RYR2: variants seen among roughly 807,000 people sequenced by gnomAD.
The protein encoded by RYR2 is cardiac muscle ryanodine receptor-calcium release channel.
A neutral mutation model predicts 601.1 loss-of-function variants in RYR2; 227 were observed. That is an observed-to-expected ratio of 0.38 (90% CI 0.34 to 0.42). The LOEUF (loss-of-function observed/expected upper bound fraction) is 0.42, where lower values mean the gene tolerates loss of function less well. Among genes scored for constraint, RYR2 ranks in the 10% least tolerant of loss-of-function variants. The pLI is 1.00. For synonymous variants in RYR2, 2,223 were observed against 2,175.1 expected (o/e 1.02, Z -0.61); for missense variants, 4,646 against 6,156.5 (o/e 0.75, Z 8.21).
chr1:237,660,965 T>C lies in RYR2; in HGVS notation c.8436+18T>C. 7.3e-7 allele frequency: 1 copy of C among 1,364,848 alleles called. No individual in the cohort carries two copies. Among genetic ancestry groups the C allele is most frequent in the South Asian group, 2.1e-5 (1 of 47,702 alleles). The allele number at this position is 1,364,848 out of a possible 1,614,324, so 84.5% of individuals were successfully genotyped here. On this transcript the variant is annotated intron_variant, in intron 56 of 104. Coordinates refer to ENST00000366574, the MANE Select transcript of RYR2 (RefSeq NM_001035.3). The stretch of plus-strand genomic sequence containing the variant: ...CAAGCCAGGTAAGAATTCATCACGG[T>C]GATGAATCAACTGTTTATGTTATGG...
chr1:237,081,743 T>C (rs1572564864), intron 1 of RYR2, among the ~76,000 whole-genome samples: 2 of 152,162 alleles, frequency 1.3e-5, no homozygotes, highest in East Asian at 3.9e-4. Context: ...GAGACTTACC[T>C]CATTTATATG....
intron 2 of RYR2, among the ~76,000 whole-genome samples, chr1:237,288,167 C>T (rs1691768071): frequency 6.6e-6 from 1 of 152,204 alleles, no homozygotes; most frequent in South Asian, 2.1e-4. Flanking sequence ...TGTGAACCTT[C>T]TATGAGTCTC....
At chr1:237,647,061 A>G (rs910247975) in intron 48 of RYR2, among the ~76,000 whole-genome samples, 1 of 152,206 alleles carries the variant, frequency 6.6e-6, no homozygotes, top group Non-Finnish European at 1.5e-5. Flanking sequence ...GTTTAAGATA[A>G]TAGAACACTG....
Position 237,755,697 on chromosome 1 carries a change from G to A in RYR2, c.11146-591G>A, listed in dbSNP as rs565587547. Among the ~76,000 whole-genome samples, 8 of 152,276 alleles carry A rather than the reference G, an allele frequency of 5.3e-5. No homozygotes were observed. In the East Asian group the frequency reaches 1.2e-3, roughly 22 times the overall value. On this transcript the variant is annotated intron_variant, in intron 80 of 104. Transcript: ENST00000366574. ...TGCAGTATCGTTTGTTACCACCAGA[G>A]AATACAAAATATAAAGGCACATTGC...
chr1:237,363,272 T>C (rs1175937340), intron 4 of RYR2, among the ~76,000 whole-genome samples: 1 of 152,086 alleles, frequency 6.6e-6, no homozygotes, highest in Non-Finnish European at 1.5e-5. Flanking sequence ...TTTCCTGATA[T>C]TATGTATGAT....
chr1:237,565,147 T>TTC (rs1559035299), intron 27 of RYR2, among the ~76,000 whole-genome samples: 3 of 131,982 alleles, frequency 2.3e-5, no homozygotes, highest in Non-Finnish European at 3.3e-5. Flanking sequence ...TTCTTTTTCT[T>TTC]TCTTTCTTTC....
chr1:237,669,332 C>G (rs569237069), intron 58 of RYR2, among the ~76,000 whole-genome samples: 10 of 152,196 alleles, frequency 6.6e-5, no homozygotes, highest in Non-Finnish European at 1.3e-4. Context: ...CACCTTTCCC[C>G]CCTCTCTATT....
intron 2 of RYR2, among the ~76,000 whole-genome samples, chr1:237,275,474 C>G (rs1441807353): frequency 6.6e-6 from 1 of 150,846 alleles, no homozygotes; most frequent in Non-Finnish European, 1.5e-5. Context: ...GACTAAAAAA[C>G]TTTGAGACAA....
intron 103 of RYR2, 68 bp downstream of exon 103, chr1:237,830,698 A>G (rs1663674183): frequency 1.4e-6 from 1 of 739,608 alleles, no homozygotes; most frequent in Non-Finnish European, 2.3e-6. Context: ...CCATCTCAGA[A>G]TAGAGAGGAA....
intron 56 of RYR2, among the ~76,000 whole-genome samples, chr1:237,664,339 G>A (rs1024385568): frequency 1.3e-5 from 2 of 152,152 alleles, no homozygotes; most frequent in Non-Finnish European, 2.9e-5. Context: ...GATCAGTGAT[G>A]AAATGGAAAA....
At chr1:237,316,372 C>T (rs749827769) in intron 2 of RYR2, among the ~76,000 whole-genome samples, 59 of 152,122 alleles carry the variant, frequency 3.9e-4, no homozygotes, top group Non-Finnish European at 5.6e-4. Flanking sequence ...GTTATTGTTA[C>T]GATACAGAAA....
intron 2 of RYR2, among the ~76,000 whole-genome samples, chr1:237,327,260 C>T (rs1023584155): frequency 6.6e-5 from 10 of 151,796 alleles, no homozygotes; most frequent in African/African-American, 2.2e-4. Context: ...AAATGGGTGG[C>T]GTTTGTAAGA....
chr1:237,821,646 A>G (rs1406408452), intron 101 of RYR2, among the ~76,000 whole-genome samples: 1 of 152,072 alleles, frequency 6.6e-6, no homozygotes, highest in Non-Finnish European at 1.5e-5. Context: ...CCTCGCCAGC[A>G]AGGGAACAAA....
chr1:237,474,963 C>T (rs546799311), intron 17 of RYR2, among the ~76,000 whole-genome samples: 1 of 152,148 alleles, frequency 6.6e-6, no homozygotes, highest in African/African-American at 2.4e-5. Context: ...AGGCCTCTTA[C>T]AATGTGTAAT....
intron 1 of RYR2, among the ~76,000 whole-genome samples, chr1:237,100,521 G>C (rs1667973371): frequency 6.6e-6 from 1 of 151,738 alleles, no homozygotes; most frequent in African/African-American, 2.4e-5. Flanking sequence ...TGAGCAGCTA[G>C]GATTACAGGC....
chr1:237,351,259 G>C (rs1018355279), intron 3 of RYR2, among the ~76,000 whole-genome samples: 5 of 151,960 alleles, frequency 3.3e-5, no homozygotes, highest in African/African-American at 9.7e-5. Context: ...TACATAAGAA[G>C]AACTGAATAA....
intron 8 of RYR2, 59 bp from the exon 9 acceptor site, chr1:237,387,222 C>G: frequency 6.8e-7 from 1 of 1,473,910 alleles, no homozygotes; most frequent in Non-Finnish European, 9.5e-7. Context: ...CCTAGAAGCA[C>G]TTACATGTTA....
In RYR2 at chr1:237,648,569, G is replaced by A; in HGVS notation, c.7468G>A (p.Val2490Ile). The A allele has an allele frequency of 6.2e-7, 1 of 1,611,216 alleles. No homozygotes were observed. Among genetic ancestry groups the A allele is most frequent in the Non-Finnish European group, 8.5e-7 (1 of 1,178,584 alleles). Residue 2490 changes from valine to isoleucine, a missense_variant, in exon 49 of 105, where the codon GTT becomes ATT. Coordinates refer to ENST00000366574, the MANE Select transcript of RYR2 (RefSeq NM_001035.3). Reference protein sequence around the residue: ...VQDFLLHLLEVGFLPDLRAAA... With the variant: ...VQDFLLHLLEIGFLPDLRAAA... Reference sequence around the variant, plus strand: ...AGACTTCCTCCTCCATCTTCTTGAGGTTGGCTTTCTGCCAGATCTCCGGGC... The same window carrying A: ...AGACTTCCTCCTCCATCTTCTTGAGATTGGCTTTCTGCCAGATCTCCGGGC...
intron 1 of RYR2, among the ~76,000 whole-genome samples, chr1:237,160,573 G>A (rs1675895424): frequency 6.6e-6 from 1 of 151,840 alleles, no homozygotes; most frequent in Admixed American, 6.6e-5. Flanking sequence ...TTAATGGAAG[G>A]GATGATGGGC....
Sources: allele counts gnomAD v4.1 joint callset (sites outside exome capture counted in the v4.1 genomes callset), GRCh38; gene constraint gnomAD v4.1.1; transcripts MANE v1.5; gene names NCBI Gene and HGNC (gene_info 2026-07-23, HGNC 2026-07-21).